LYG1: variants seen among roughly 807,000 people sequenced by gnomAD.
LYG1 encodes lysozyme g1, also known as lysozyme g-like protein 1.
LYG1 carries 17 observed loss-of-function variants against 21.7 expected under a neutral mutation model. That is an observed-to-expected ratio of 0.78 (90% CI 0.54 to 1.18). The LOEUF (loss-of-function observed/expected upper bound fraction) is 1.18, where lower values mean the gene tolerates loss of function less well. LYG1 is among the 50% of genes most tolerant of loss of function. The pLI is 0.00. For missense variants in LYG1, 211 were observed against 238.1 expected, an observed-to-expected ratio of 0.89 and a Z score of 0.75; for synonymous variants, 81 against 87.4, an observed-to-expected ratio of 0.93 and a Z score of 0.41.
At chr2:99,294,471 A>C (rs2094130314) in intron 3 of LYG1, among the ~76,000 whole-genome samples, 1 of 151,974 alleles carries the variant, frequency 6.6e-6, no homozygotes, top group Non-Finnish European at 1.5e-5. Flanking sequence ...AAAAGACTAG[A>C]TCTTTTATGA....
At chr2:99,294,752 T>C (rs2094131399) in intron 3 of LYG1, among the ~76,000 whole-genome samples, 1 of 152,126 alleles carries the variant, frequency 6.6e-6, no homozygotes, top group African/African-American at 2.4e-5. Context: ...ATCTAAGAAA[T>C]CTATTAAATT....
At chr2:99,294,205 C>A (rs1026687803) in intron 3 of LYG1, among the ~76,000 whole-genome samples, 3 of 152,192 alleles carry the variant, frequency 2.0e-5, no homozygotes, top group African/African-American at 7.2e-5. Flanking sequence ...TGAGCCACCG[C>A]ATACACCTGG....
At chr2:99,303,533 A>G (rs2094159885), upstream of LYG1, among the ~76,000 whole-genome samples, 1 of 152,120 alleles carries the variant, frequency 6.6e-6, no homozygotes, top group African/African-American at 2.4e-5. Context: ...GAATCCTAGA[A>G]GCTGAGGAGG....
chr2:99,290,579 G>A (rs1020542338), intron 5 of LYG1, among the ~76,000 whole-genome samples: 2 of 152,084 alleles, frequency 1.3e-5, no homozygotes, highest in Non-Finnish European at 2.9e-5. Context: ...AACCACAAAA[G>A]CAGTGTGAGA....
At position 99,292,576 on chromosome 2, in the gene LYG1, T is replaced by G; in HGVS notation, c.108A>C (p.Ala36=). Reference sequence around the variant, plus strand: ...CGTGACGTCTTCCAATCCCACAAGATGCTCCAGGGGTGTCCAGGCTTTGGA... The same window carrying G: ...CGTGACGTCTTCCAATCCCACAAGAGGCTCCAGGGGTGTCCAGGCTTTGGA... ...GNIQSLDTPG[A]SCGIGRRHGL... The change falls in exon 4 of 7, where the codon GCA becomes GCC. Residue 36 remains alanine, a synonymous_variant. Transcript: ENST00000308528. The G allele has an allele frequency of 6.2e-7, 1 of 1,614,196 alleles. No individual in the cohort carries two copies. The highest frequency in any genetic ancestry group is 1.6e-4 in the Middle Eastern group (1 of 6,062).
intron 2 of LYG1, among the ~76,000 whole-genome samples, chr2:99,297,317 T>A (rs774871495): frequency 2.0e-5 from 3 of 152,170 alleles, no homozygotes; most frequent in Non-Finnish European, 2.9e-5. Context: ...GAGAAAAGAA[T>A]GGACAAAGAG....
At chr2:99,302,574 C>T (rs1457000429), upstream of LYG1, among the ~76,000 whole-genome samples, 1 of 152,148 alleles carries the variant, frequency 6.6e-6, no homozygotes, top group Admixed American at 6.5e-5. Flanking sequence ...AGAACAAAAA[C>T]AAAGGCTTTT....
rs777744460 is a variant in LYG1, at chr2:99,291,368, A to G, written c.202T>C (p.Tyr68His). The change falls in exon 5 of 7, where the codon TAT (tyrosine) becomes CAT (histidine). Residue 68 changes from tyrosine to histidine, a missense_variant. Tyr to His is a moderately conservative substitution (Grantham distance 83). Coordinates refer to ENST00000308528, the MANE Select transcript of LYG1 (RefSeq NM_174898.3). ...CCAATGGTTTGCATCATGGGTTGAT[A>G]TTTCAGGAGGTATGGCATGTCTATT... Reference protein sequence around the residue: ...AEIDMPYLLKYQPMMQTIGQK... With the variant: ...AEIDMPYLLKHQPMMQTIGQK... 1.2e-5 allele frequency: 20 copies of G among 1,614,042 alleles called. No individual in the cohort carries two copies. The highest frequency in any genetic ancestry group is 5.1e-6 in the Non-Finnish European group (6 of 1,180,034).
chr2:99,300,823 T>G (rs925951665), intron 1 of LYG1, among the ~76,000 whole-genome samples: 38 of 131,890 alleles, frequency 2.9e-4, no homozygotes, highest in African/African-American at 1.1e-3. Flanking sequence ...ATACTTGCAT[T>G]AAAAGATATC....
chr2:99,286,792 A>T (rs1481982062), intron 5 of LYG1, among the ~76,000 whole-genome samples: 1 of 152,256 alleles, frequency 6.6e-6, no homozygotes, highest in East Asian at 1.9e-4. Flanking sequence ...TGGAATCAGG[A>T]TCTCAAAGAG....
chr2:99,296,881 G>A (rs939260519), intron 2 of LYG1, among the ~76,000 whole-genome samples: 1 of 152,102 alleles, frequency 6.6e-6, no homozygotes, highest in African/African-American at 2.4e-5. Context: ...AGCCAGGTGT[G>A]GTGGCATACA....
At chr2:99,286,967 A>G (rs1038482910) in intron 5 of LYG1, among the ~76,000 whole-genome samples, 1 of 152,236 alleles carries the variant, frequency 6.6e-6, no homozygotes, top group African/African-American at 2.4e-5. Context: ...ATATGACAAC[A>G]TAGATGAATC....
chr2:99,299,214 A>C (rs1559224744), intron 1 of LYG1, among the ~76,000 whole-genome samples: 1 of 150,074 alleles, frequency 6.7e-6, no homozygotes, highest in East Asian at 2.0e-4. Flanking sequence ...GGCATGAGCC[A>C]CCGCGCCCAG....
chr2:99,303,713 T>C (rs1305235437), upstream of LYG1, among the ~76,000 whole-genome samples: 1 of 152,200 alleles, frequency 6.6e-6, no homozygotes, highest in African/African-American at 2.4e-5. Flanking sequence ...GACGGGGCTA[T>C]GGCTTGGCTG....
At chr2:99,303,111 A>C (rs1238928846), upstream of LYG1, among the ~76,000 whole-genome samples, 1 of 151,844 alleles carries the variant, frequency 6.6e-6, no homozygotes, top group Non-Finnish European at 1.5e-5. Context: ...CCAGATTTGG[A>C]CACCCAGGGA....
chr2:99,303,286 T>A (rs139106912), upstream of LYG1, among the ~76,000 whole-genome samples: 387 of 152,184 alleles, frequency 2.5e-3, 6 homozygotes, highest in East Asian at 4.1e-3. Context: ...CTCTAGCACA[T>A]ACCAACAATT....
intron 6 of LYG1, 65 bp downstream of exon 6, chr2:99,284,623 A>G: frequency 6.3e-7 from 1 of 1,596,792 alleles, no homozygotes; most frequent in East Asian, 2.2e-5. Flanking sequence ...AATCTGGTGC[A>G]ATGTATTATA....
At position 99,284,845 on chromosome 2, in the gene LYG1, A is replaced by C. The variant is rs749837505; in HGVS notation, c.334-25T>G. 5.6e-6 allele frequency: 9 copies of C among 1,609,968 alleles called. No homozygotes were observed. In the South Asian group the frequency reaches 9.9e-5, roughly 18 times the overall value. ...CCTGCAGGGAAGGAGGCAGAGAAGA[A>C]GCCACGTAAGCTGGGTGGGAGGGTG... On this transcript the variant is annotated intron_variant, in intron 5 of 6. Transcript: ENST00000308528.
chr2:99,289,258 G>C (rs2094111534), intron 5 of LYG1, among the ~76,000 whole-genome samples: 3 of 151,912 alleles, frequency 2.0e-5, no homozygotes, highest in Non-Finnish European at 2.9e-5. Flanking sequence ...CCAGGAGTTC[G>C]AGACCAGCCT....
Sources: allele counts gnomAD v4.1 joint callset (sites outside exome capture counted in the v4.1 genomes callset), GRCh38; gene constraint gnomAD v4.1.1; transcripts MANE v1.5; gene names NCBI Gene and HGNC (gene_info 2026-07-23, HGNC 2026-07-21).